The following RBFOX1 variants were observed in gnomAD, a reference collection of about 807,000 sequenced individuals.
RBFOX1 encodes the protein RNA binding fox-1 homolog 1, also known as RNA binding protein fox-1 homolog 1.
In RBFOX1, 8 loss-of-function variants were observed where a neutral mutation model predicts 57.7. The ratio of observed to expected loss-of-function variants is 0.14; its 90% confidence interval spans 0.08 to 0.25. RBFOX1 has a LOEUF of 0.25. Ranked by LOEUF, RBFOX1 falls within the 10% of genes least tolerant of loss-of-function variation. The pLI is 1.00. For synonymous variants in RBFOX1, 326 were observed against 222.4 expected, an observed-to-expected ratio of 1.47 and a Z score of -4.15; for missense variants, 611 against 548.5, an observed-to-expected ratio of 1.11 and a Z score of -1.14.
chr16:5,617,483 C>G (rs1471708935), intron 3 of RBFOX1, among the ~76,000 whole-genome samples: 1 of 152,226 alleles, frequency 6.6e-6, no homozygotes, highest in Non-Finnish European at 1.5e-5. Context: ...CTCCAATCAT[C>G]AGGCTTGTTC....
intron 4 of RBFOX1, among the ~76,000 whole-genome samples, chr16:7,224,119 C>T (rs1038984351): frequency 5.5e-5 from 5 of 90,842 alleles, no homozygotes; most frequent in African/African-American, 1.7e-4. Context: ...CCTGATTCTT[C>T]CTTTTTCTAA....
intron 10 of RBFOX1, 72 bp from the exon 11 acceptor site, chr16:7,630,531 G>A: frequency 1.9e-6 from 3 of 1,597,684 alleles, no homozygotes; most frequent in Non-Finnish European, 2.6e-6. Flanking sequence ...TTTCTCGGTT[G>A]CATTGCCGTG....
At chr16:6,801,326 A>T (rs2085390594) in intron 3 of RBFOX1, among the ~76,000 whole-genome samples, 1 of 152,186 alleles carries the variant, frequency 6.6e-6, no homozygotes, top group South Asian at 2.1e-4. Context: ...AGAGAGAACC[A>T]TACAAGGCTC....
At chr16:7,626,703 G>C (rs2142347737) in intron 10 of RBFOX1, among the ~76,000 whole-genome samples, 1 of 149,680 alleles carries the variant, frequency 6.7e-6, no homozygotes, top group East Asian at 1.9e-4. Context: ...TTTACATGTA[G>C]TGTGTAAATC....
chr16:5,981,989 A>T (rs1002810458), intron 4 of RBFOX1, among the ~76,000 whole-genome samples: 2 of 152,194 alleles, frequency 1.3e-5, no homozygotes, highest in African/African-American at 2.4e-5. Flanking sequence ...ACGCTTATCT[A>T]AAGGGTGTTT....
intron 1 of RBFOX1, among the ~76,000 whole-genome samples, chr16:5,426,699 G>GT (rs145654695): frequency 5.1e-4 from 78 of 152,308 alleles, no homozygotes; most frequent in Non-Finnish European, 9.7e-4. Context: ...TCTTGTGGCT[G>GT]TTTTTTCTGT....
chr16:6,994,926 A>T (rs868047914), intron 3 of RBFOX1, among the ~76,000 whole-genome samples: 14 of 149,432 alleles, frequency 9.4e-5, no homozygotes, highest in South Asian at 4.3e-4. Context: ...CTGATTGGGC[A>T]TGTGATTCTT....
chr16:5,271,970 A>T (rs951509685), intron 1 of RBFOX1, among the ~76,000 whole-genome samples: 1 of 152,190 alleles, frequency 6.6e-6, no homozygotes, highest in Admixed American at 6.5e-5. Flanking sequence ...TTGTGTGTAT[A>T]TAGTACATTT....
chr16:5,630,181 G>A (rs548551948), intron 3 of RBFOX1, among the ~76,000 whole-genome samples: 1 of 152,352 alleles, frequency 6.6e-6, no homozygotes, highest in East Asian at 1.9e-4. Context: ...CTTTAGCTGG[G>A]TGTAGTGGCT....
chr16:5,335,280 A>T (rs974847294), intron 1 of RBFOX1, among the ~76,000 whole-genome samples: 2 of 152,220 alleles, frequency 1.3e-5, no homozygotes, highest in Non-Finnish European at 2.9e-5. Flanking sequence ...CATTCATTGC[A>T]TAAAGAGTTT....
At chr16:6,340,852 A>T (rs1341752588) in intron 2 of RBFOX1, among the ~76,000 whole-genome samples, 1 of 152,170 alleles carries the variant, frequency 6.6e-6, no homozygotes, top group East Asian at 1.9e-4. Context: ...CCTTGTTCAC[A>T]TGCCTTTGAC....
intron 3 of RBFOX1, among the ~76,000 whole-genome samples, chr16:5,825,877 C>T (rs1020266196): frequency 2.9e-5 from 3 of 102,318 alleles, no homozygotes; most frequent in Non-Finnish European, 5.9e-5. Flanking sequence ...AATAATATTC[C>T]GTAATATGAA....
chr16:6,927,591 C>T (rs2075830300), intron 3 of RBFOX1, among the ~76,000 whole-genome samples: 1 of 151,806 alleles, frequency 6.6e-6, no homozygotes, highest in South Asian at 2.1e-4. Flanking sequence ...GTCCTGTGTG[C>T]CTGGAAAAGT....
In RBFOX1 at chr16:6,922,697, G is replaced by A. The variant is rs192759716; in HGVS notation, c.-15-129360G>A. Among the ~76,000 whole-genome samples, 36 of 152,204 alleles carry A rather than the reference G, an allele frequency of 2.4e-4. 1 individual carries two copies. Among genetic ancestry groups the A allele is most frequent in the African/African-American group, 8.7e-4 (36 of 41,548 alleles). ...CTTAGGCCATGTTTTGGGCCTCACT[G>A]CATCCACCACTCCAAAAACTGGAAA... On this transcript the variant is annotated intron_variant, in intron 3 of 15. Transcript: ENST00000550418.
chr16:7,408,306 T>A (rs553726915), intron 4 of RBFOX1, among the ~76,000 whole-genome samples: 1 of 152,136 alleles, frequency 6.6e-6, no homozygotes, highest in African/African-American at 2.4e-5. Context: ...GACTTGTAGA[T>A]GACAATACAG....
chr16:6,399,982 A>G (rs143489217), intron 2 of RBFOX1, among the ~76,000 whole-genome samples: 31 of 152,224 alleles, frequency 2.0e-4, no homozygotes, highest in African/African-American at 6.3e-4. Flanking sequence ...CCACAATTCA[A>G]TGACCTCCTG....
intron 3 of RBFOX1, among the ~76,000 whole-genome samples, chr16:5,771,356 C>A (rs1262229351): frequency 6.6e-6 from 1 of 152,174 alleles, no homozygotes; most frequent in African/African-American, 2.4e-5. Context: ...TCTAGTCAAA[C>A]CAGTAGCCAG....
intron 1 of RBFOX1, among the ~76,000 whole-genome samples, chr16:6,032,288 C>G (rs1470951415): frequency 6.6e-6 from 1 of 151,830 alleles, no homozygotes; most frequent in Non-Finnish European, 1.5e-5. Context: ...CATTTTGAGA[C>G]AAAGATTGGT....
At chr16:6,836,644 C>T (rs974227229) in intron 3 of RBFOX1, among the ~76,000 whole-genome samples, 4 of 152,160 alleles carry the variant, frequency 2.6e-5, no homozygotes, top group South Asian at 2.1e-4. Flanking sequence ...ACTTTCACCC[C>T]GCTTCGGGGG....
Sources: gnomAD v4.1 joint callset for allele counts (sites outside exome capture counted in the v4.1 genomes callset) on GRCh38, gnomAD v4.1.1 for gene constraint, MANE v1.5 for transcripts, NCBI Gene and HGNC (gene_info 2026-07-23, HGNC 2026-07-21) for gene names.